GABBR2: variants seen among roughly 807,000 people sequenced by gnomAD.
GABBR2 encodes gamma-aminobutyric acid type B receptor subunit 2.
Under a neutral mutation model 105.6 loss-of-function variants are expected in GABBR2, and 23 were observed. The ratio of observed to expected loss-of-function variants is 0.22; its 90% CI spans 0.16 to 0.31. GABBR2 has a LOEUF of 0.31. Ranked by LOEUF, GABBR2 falls within the 10% of genes least tolerant of loss-of-function variation. GABBR2 has a pLI of 1.00. For synonymous variants in GABBR2, 478 were observed against 499.7 expected (o/e 0.96, Z 0.58); for missense variants, 734 against 1,245.5 (o/e 0.59, Z 6.18).
At chr9:98,613,993 A>AG (rs1829544901) in intron 1 of GABBR2, among the ~76,000 whole-genome samples, 1 of 152,226 alleles carries the variant, frequency 6.6e-6, no homozygotes, top group Non-Finnish European at 1.5e-5. Context: ...AACAGGTATT[A>AG]GTGGGTTGTG....
chr9:98,466,643 T>C (rs998405611), intron 6 of GABBR2, among the ~76,000 whole-genome samples: 3 of 152,218 alleles, frequency 2.0e-5, no homozygotes, highest in African/African-American at 4.8e-5. Flanking sequence ...TATAACCTCA[T>C]CTAATCCTTA....
At chr9:98,626,908 A>C (rs1312959531) in intron 1 of GABBR2, among the ~76,000 whole-genome samples, 1 of 152,198 alleles carries the variant, frequency 6.6e-6, no homozygotes, top group Non-Finnish European at 1.5e-5. Context: ...AGAAGTTACA[A>C]GGAAGTGATT....
intron 1 of GABBR2, chr9:98,607,417 C>T (rs1177481898): frequency 3.1e-6 from 2 of 639,722 alleles, no homozygotes; most frequent in East Asian, 2.7e-5. Flanking sequence ...ACAGAAGACA[C>T]ACTCACACCA....
At position 98,344,434 on chromosome 9, in the gene GABBR2, C is replaced by T. The variant is rs569696526; in HGVS notation, c.1893+18281G>A. On this transcript the variant is annotated intron_variant, in intron 13 of 18. Transcript: ENST00000259455. ...TGAAATGCAGAAACAGCCAATCTTT[C>T]CATCAGACTCTAAAGAAGAGGAAAG... Among the ~76,000 whole-genome samples the T allele has an allele frequency of 1.4e-4, 22 of 152,304 alleles. No individual in the cohort carries two copies. In the South Asian group the frequency reaches 4.4e-3, roughly 30 times the overall value.
intron 7 of GABBR2, among the ~76,000 whole-genome samples, chr9:98,438,323 C>G (rs1283780574): frequency 6.6e-6 from 1 of 152,196 alleles, no homozygotes; most frequent in Non-Finnish European, 1.5e-5. Flanking sequence ...CACCCATCCC[C>G]CAACCCATGT....
intron 13 of GABBR2, among the ~76,000 whole-genome samples, chr9:98,350,487 T>C (rs537162183): frequency 6.6e-6 from 1 of 152,348 alleles, no homozygotes; most frequent in South Asian, 2.1e-4. Flanking sequence ...CTTAATTTCT[T>C]CATTGACCTA....
At chr9:98,465,052 T>A (rs534642840) in intron 6 of GABBR2, among the ~76,000 whole-genome samples, 1 of 136,950 alleles carries the variant, frequency 7.3e-6, no homozygotes, top group East Asian at 2.3e-4. Flanking sequence ...TGACCTTCTC[T>A]CCACTATTAC....
intron 1 of GABBR2, among the ~76,000 whole-genome samples, chr9:98,702,615 C>T (rs1344260629): frequency 1.3e-5 from 2 of 152,208 alleles, no homozygotes; most frequent in Admixed American, 1.3e-4. Flanking sequence ...CCTCTACAAA[C>T]CCTGCATTTC....
chr9:98,594,394 C>A (rs1829199108), intron 1 of GABBR2, among the ~76,000 whole-genome samples: 1 of 152,158 alleles, frequency 6.6e-6, no homozygotes, highest in Admixed American at 6.5e-5. Context: ...GAATGTGAGG[C>A]CTCTCCCTGC....
chr9:98,571,228 G>A (rs928426), intron 2 of GABBR2, among the ~76,000 whole-genome samples: 18,835 of 152,236 alleles, frequency 0.12, 1,544 homozygotes, highest in Non-Finnish European at 0.18. Context: ...GCATGAAGGG[G>A]CAGGAGGTGG....
At chr9:98,568,401 G>C (rs1428198156) in intron 2 of GABBR2, among the ~76,000 whole-genome samples, 1 of 152,230 alleles carries the variant, frequency 6.6e-6, no homozygotes, top group East Asian at 1.9e-4. Flanking sequence ...CAGAGGCTCA[G>C]AAGAGCCAGC....
At chr9:98,672,310 T>G (rs754127692) in intron 1 of GABBR2, among the ~76,000 whole-genome samples, 9 of 152,202 alleles carry the variant, frequency 5.9e-5, no homozygotes, top group Non-Finnish European at 1.0e-4. Context: ...CAGACAGTAT[T>G]TGTCTTTTTG....
rs369930916 is a variant in GABBR2 at position 98,655,807 on chromosome 9, AGGGGAACATCACACACT to A, written c.321+52593_321+52609del. ...ACAATGAGAACACATGGACACAGGG[AGGGGAACATCACACACT>A]GGGGCCTTTTGGGGATGGGGGGCTA... On this transcript the variant is annotated intron_variant, in intron 1 of 18. Transcript: ENST00000259455. Among the ~76,000 whole-genome samples, 538 of 152,252 alleles carry A rather than the reference AGGGGAACATCACACACT, an allele frequency of 3.5e-3. 2 individuals carry two copies. The highest frequency in any genetic ancestry group is 7.7e-3 in the Admixed American group (117 of 15,294).
At chr9:98,640,818 A>T (rs955134176) in intron 1 of GABBR2, among the ~76,000 whole-genome samples, 3 of 152,166 alleles carry the variant, frequency 2.0e-5, no homozygotes, top group Non-Finnish European at 1.5e-5. Flanking sequence ...AGATTCTGAG[A>T]CAGGGCAGTG....
chr9:98,455,960 C>A lies in GABBR2; in HGVS notation c.1000-1743G>T, dbSNP rs1464663111. On this transcript the variant is annotated intron_variant, in intron 6 of 18. Transcript: ENST00000259455. ...CTGTTTGCAGCTTTCCTTGGAAATG[C>A]ATCCTCTCTAGCTACCACCACTCTG... 2.6e-5 allele frequency among the ~76,000 whole-genome samples: 4 copies of A among 152,188 alleles called. No individual in the cohort carries two copies. The East Asian group carries it at 7.7e-4, about 29-fold the overall frequency.
chr9:98,583,157 C>A (rs560301960), intron 1 of GABBR2, among the ~76,000 whole-genome samples: 1 of 152,212 alleles, frequency 6.6e-6, no homozygotes, highest in Non-Finnish European at 1.5e-5. Flanking sequence ...TTCCCTGGCT[C>A]CCCTAAAGGG....
At chr9:98,607,970 T>C in intron 1 of GABBR2, 1 of 1,303,984 alleles carries the variant, frequency 7.7e-7, no homozygotes, top group Non-Finnish European at 1.1e-6. Context: ...AGCGGCACCA[T>C]GAGCAAATGA....
intron 10 of GABBR2, among the ~76,000 whole-genome samples, chr9:98,387,707 G>T (rs892585001): frequency 9.2e-5 from 14 of 151,964 alleles, no homozygotes; most frequent in African/African-American, 3.4e-4. Context: ...CAGGAGGATC[G>T]CTTGAGTCCA....
At chr9:98,491,688 C>T (rs1195217058) in intron 4 of GABBR2, among the ~76,000 whole-genome samples, 1 of 152,074 alleles carries the variant, frequency 6.6e-6, no homozygotes, top group Non-Finnish European at 1.5e-5. Context: ...GAGTTAAGCA[C>T]CCTTCTTTTA....
Sources: allele counts gnomAD v4.1 joint callset (sites outside exome capture counted in the v4.1 genomes callset), GRCh38; gene constraint gnomAD v4.1.1; transcripts MANE v1.5; gene names NCBI Gene and HGNC (gene_info 2026-07-23, HGNC 2026-07-21).